Variants in CSGALNACT1 observed in about 807,000 individuals in gnomAD.
CSGALNACT1 encodes the protein beta4GalNAcT-1.
In CSGALNACT1, 52 loss-of-function variants were observed where a neutral mutation model predicts 51.0. That is an observed-to-expected ratio of 1.02 (90% CI 0.82 to 1.29). The LOEUF is 1.29. Among genes scored for constraint, CSGALNACT1 ranks in the 50% most tolerant of loss-of-function variants. CSGALNACT1 has a pLI of 0.00. For synonymous variants in CSGALNACT1, 341 were observed against 254.4 expected (o/e 1.34, Z -3.24); for missense variants, 935 against 679.2 (o/e 1.38, Z -4.19).
chr8:19,425,368 T>C (rs1401879518), intron 6 of CSGALNACT1, among the ~76,000 whole-genome samples: 1 of 152,098 alleles, frequency 6.6e-6, no homozygotes, highest in Non-Finnish European at 1.5e-5. Flanking sequence ...AAAAAACCAT[T>C]TTCCTGCTGT....
chr8:19,425,041 G>A (rs2058560205), intron 6 of CSGALNACT1, among the ~76,000 whole-genome samples: 1 of 152,190 alleles, frequency 6.6e-6, no homozygotes, highest in Admixed American at 6.5e-5. Flanking sequence ...TGAGAACTGA[G>A]TCACCAAGAC....
In CSGALNACT1 at chr8:19,548,407, GATT is replaced by G. The variant is rs201350093; in HGVS notation, c.-296-42280_-296-42278del. Among the ~76,000 whole-genome samples the G allele has an allele frequency of 6.4e-3, 968 of 152,126 alleles. 18 individuals are homozygous for G. The highest frequency in any genetic ancestry group is 0.022 in the African/African-American group (915 of 41,490). ...ATGATTCATATGAGACTAAAAAATAGATTATTTTTCAATATATTCCAAAAACTC... is the reference window on the plus strand; with the variant it reads ...ATGATTCATATGAGACTAAAAAATAGATTTTTCAATATATTCCAAAAACTC... On this transcript the variant is annotated intron_variant, in intron 3 of 9. Coordinates refer to ENST00000454498, the Ensembl canonical transcript of CSGALNACT1.
chr8:19,748,725 G>A (rs1012337685), intron 1 of CSGALNACT1, among the ~76,000 whole-genome samples: 1 of 152,166 alleles, frequency 6.6e-6, no homozygotes, highest in Non-Finnish European at 1.5e-5. Flanking sequence ...AGCACTTTGG[G>A]AGATCAAGGA....
At chr8:19,496,739 C>T (rs913271142) in intron 4 of CSGALNACT1, among the ~76,000 whole-genome samples, 1 of 152,140 alleles carries the variant, frequency 6.6e-6, no homozygotes, top group African/African-American at 2.4e-5. Context: ...GGGGCAGATA[C>T]ACTCAGCTAA....
chr8:19,747,232 G>A (rs1182271264), intron 1 of CSGALNACT1, among the ~76,000 whole-genome samples: 3 of 151,800 alleles, frequency 2.0e-5, no homozygotes, highest in East Asian at 1.9e-4. Context: ...GGTTCAAGAG[G>A]TCAATGTCTT....
At chr8:19,601,840 C>T (rs1157853515) in exon 2 of CSGALNACT1, 5 of 453,940 alleles carry the variant, frequency 1.1e-5, no homozygotes, top group Admixed American at 7.1e-5. Context: ...ATTACCTTGG[C>T]GTCTTTCCTT....
chr8:19,555,212 C>A (rs937677467), intron 3 of CSGALNACT1, among the ~76,000 whole-genome samples: 1 of 151,810 alleles, frequency 6.6e-6, no homozygotes, highest in African/African-American at 2.4e-5. Context: ...GCACTCCAGC[C>A]TGGGTGACAG....
chr8:19,717,882 C>T lies in CSGALNACT1; in HGVS notation c.-297+39968G>A, dbSNP rs144527162. On this transcript the variant is annotated intron_variant, in intron 1 of 1. Transcript: ENST00000517494. ...TGCAACCCTAGTCTAGACTAGTCTG[C>T]GGCATTGCTAACCTAGTCTAGGCTA... Among the ~76,000 whole-genome samples the T allele has an allele frequency of 2.7e-3, 408 of 152,182 alleles. 5 individuals are homozygous for T. Among genetic ancestry groups the T allele is most frequent in the East Asian group, 1.2e-3 (6 of 5,158 alleles).
At position 19,420,240 on chromosome 8, in the gene CSGALNACT1, T is replaced by C; in HGVS notation, c.1132+100A>G. 5.5e-6 allele frequency: 6 copies of C among 1,093,792 alleles called. No homozygotes were observed. In the South Asian group the frequency reaches 7.5e-5, roughly 14 times the overall value. 67.8% of individuals were successfully genotyped at this position (1,093,792 alleles called of 1,614,324 possible). A position where few individuals can be genotyped will look rare whatever the true frequency, so the allele number is the denominator to read the frequency against. ...TGCTATTGAAGTAAAACAGGCTGAT[T>C]CAGAAGCAGGACATCAGAGTGACTG... is the stretch of plus-strand genomic sequence containing the variant. On this transcript the variant is annotated intron_variant, in intron 7 of 9. Transcript: ENST00000454498.
chr8:19,708,001 C>T (rs1198746510), intron 1 of CSGALNACT1, among the ~76,000 whole-genome samples: 1 of 152,046 alleles, frequency 6.6e-6, no homozygotes, highest in Non-Finnish European at 1.5e-5. Context: ...GAGCGAGACT[C>T]CATCTCAAAA....
rs76311191 is a variant in CSGALNACT1, at chr8:19,538,164, A to G, written c.-296-32034T>C. On this transcript the variant is annotated intron_variant, in intron 3 of 9. Coordinates refer to ENST00000454498, the Ensembl canonical transcript of CSGALNACT1. Reference sequence around the variant, plus strand: ...AGATGATACTGCTACAAAAAATGAAAAAGAGAAAATAAAAGTGAGCCAGGC... The same window carrying G: ...AGATGATACTGCTACAAAAAATGAAGAAGAGAAAATAAAAGTGAGCCAGGC... Among the ~76,000 whole-genome samples the G allele has an allele frequency of 6.3e-3, 961 of 152,148 alleles. 10 individuals are homozygous for G. Among genetic ancestry groups the G allele is most frequent in the African/African-American group, 0.023 (934 of 41,496 alleles).
rs112755023 is a variant in CSGALNACT1, at chr8:19,499,497, T to C, written c.634+5704A>G. ...AACAAACAAATAACGTTTTTTTCCC[T>C]GGGAACTAAACTGTTTTGAATAAGG... On this transcript the variant is annotated intron_variant, in intron 4 of 9. Transcript: ENST00000454498. Among the ~76,000 whole-genome samples the C allele has an allele frequency of 5.1e-3, 779 of 152,288 alleles. 4 individuals carry two copies. The highest frequency in any genetic ancestry group is 0.018 in the African/African-American group (736 of 41,550).
intron 1 of CSGALNACT1, among the ~76,000 whole-genome samples, chr8:19,628,666 T>C (rs2054784335): frequency 6.6e-6 from 1 of 151,396 alleles, no homozygotes; most frequent in Non-Finnish European, 1.5e-5. Flanking sequence ...TTTTTTTTTG[T>C]TTTTTGGGTC....
chr8:19,579,628 G>C (rs1335624310), intron 3 of CSGALNACT1, among the ~76,000 whole-genome samples: 2 of 152,202 alleles, frequency 1.3e-5, no homozygotes, highest in Non-Finnish European at 2.9e-5. Flanking sequence ...CAGGGATTAT[G>C]CCTATTTAGT....
chr8:19,640,837 A>G (rs1367013749), intron 1 of CSGALNACT1, among the ~76,000 whole-genome samples: 2 of 152,140 alleles, frequency 1.3e-5, no homozygotes, highest in Non-Finnish European at 2.9e-5. Flanking sequence ...CACACTCTGT[A>G]TTTCAGAAAG....
chr8:19,584,559 G>C (rs2046238853), intron 3 of CSGALNACT1, among the ~76,000 whole-genome samples: 1 of 152,154 alleles, frequency 6.6e-6, no homozygotes, highest in Admixed American at 6.5e-5. Flanking sequence ...TAAAATTCTA[G>C]CTAACGCCAC....
In CSGALNACT1 at chr8:19,757,554, G is replaced by A. The variant is rs1337047057; in HGVS notation, c.-297+296C>T. The stretch of plus-strand genomic sequence containing the variant: ...GGAAGGGGCCGCGCTCGGACACCAG[G>A]GGCGGTTTACGCGTGACTGGACACC... On this transcript the variant is annotated intron_variant, in intron 1 of 1. Transcript: ENST00000517494. This position sits in a 1 kb window ranked among gnomAD's most constrained non-coding sequence, Gnocchi z 4.0. Among the ~76,000 whole-genome samples the A allele has an allele frequency of 6.6e-6, 1 of 152,108 alleles. No homozygotes were observed. Among genetic ancestry groups the A allele is most frequent in the Non-Finnish European group, 1.5e-5 (1 of 67,996 alleles).
chr8:19,659,334 C>G (rs947386606), intron 1 of CSGALNACT1, among the ~76,000 whole-genome samples: 1 of 152,210 alleles, frequency 6.6e-6, no homozygotes, highest in African/African-American at 2.4e-5. Flanking sequence ...CTTTCTTCAT[C>G]CCAACTATGT....
intron 3 of CSGALNACT1, among the ~76,000 whole-genome samples, chr8:19,588,887 G>C (rs2047217133): frequency 6.6e-6 from 1 of 152,138 alleles, no homozygotes; most frequent in Non-Finnish European, 1.5e-5. Context: ...TGTTCATTAA[G>C]TACTGGATTG....
Sources: allele counts gnomAD v4.1 joint callset (sites outside exome capture counted in the v4.1 genomes callset), GRCh38; gene constraint gnomAD v4.1.1; non-coding constraint Gnocchi (gnomAD v3.1); transcripts MANE v1.5; gene names NCBI Gene and HGNC (gene_info 2026-07-23, HGNC 2026-07-21).